Variants in TP63 observed in about 807,000 individuals in gnomAD.
The protein encoded by TP63 is tumor protein 63.
TP63 carries 17 observed loss-of-function variants against 82.8 expected under a neutral mutation model. The ratio of observed to expected loss-of-function variants is 0.21; its 90% CI spans 0.14 to 0.31. The LOEUF is 0.31. Ranked by LOEUF, TP63 falls within the 10% of genes least tolerant of loss-of-function variation. The probability of loss-of-function intolerance (pLI) is 1.00; values close to 1 mark genes in which losing one functional copy is unlikely to be tolerated. For missense variants in TP63, 648 were observed against 895.3 expected (o/e 0.72, Z 3.52); for synonymous variants, 330 against 321.7 (o/e 1.03, Z -0.28).
At chr3:189,840,735 G>A (rs1038005329) in intron 4 of TP63, among the ~76,000 whole-genome samples, 1 of 151,652 alleles carries the variant, frequency 6.6e-6, no homozygotes, top group African/African-American at 2.4e-5. Context: ...GCAGGCACCT[G>A]TAATCCCAGC....
At chr3:189,661,776 A>G (rs570741715) in intron 1 of TP63, among the ~76,000 whole-genome samples, 12 of 151,864 alleles carry the variant, frequency 7.9e-5, no homozygotes, top group Non-Finnish European at 1.6e-4. Flanking sequence ...CAGAGTTTCA[A>G]TTTCTTCCTG....
chr3:189,647,865 T>G (rs1183563130), intron 1 of TP63, among the ~76,000 whole-genome samples: 1 of 147,334 alleles, frequency 6.8e-6, no homozygotes, highest in Non-Finnish European at 1.5e-5. Context: ...GCGTACATTT[T>G]AAAGATAATG....
intron 3 of TP63, among the ~76,000 whole-genome samples, chr3:189,774,550 C>T (rs185311308): frequency 7.4e-4 from 113 of 152,216 alleles, no homozygotes; most frequent in African/African-American, 2.6e-3. Context: ...ATATATGCAT[C>T]GCTGTTTTGG....
chr3:189,638,926 A>G (rs1272771939), intron 1 of TP63, among the ~76,000 whole-genome samples: 2 of 152,296 alleles, frequency 1.3e-5, no homozygotes, highest in East Asian at 3.9e-4. Context: ...CAATGCCCCA[A>G]TACATGCTCA....
At chr3:189,848,282 T>G (rs1715182730) in intron 4 of TP63, among the ~76,000 whole-genome samples, 1 of 150,620 alleles carries the variant, frequency 6.6e-6, no homozygotes, top group Admixed American at 6.6e-5. Flanking sequence ...TTGCCTAGGC[T>G]GGAGTGCACT....
At chr3:189,728,463 G>C (rs1317260074) in intron 1 of TP63, among the ~76,000 whole-genome samples, 1 of 152,198 alleles carries the variant, frequency 6.6e-6, no homozygotes, top group Non-Finnish European at 1.5e-5. Flanking sequence ...CTTTCTAGGT[G>C]AGCTCAGTGT....
At chr3:189,683,207 T>A (rs1413868383) in intron 1 of TP63, among the ~76,000 whole-genome samples, 1 of 152,208 alleles carries the variant, frequency 6.6e-6, no homozygotes, top group Non-Finnish European at 1.5e-5. Context: ...GAATATTAGA[T>A]AACTATGTGC....
At chr3:189,893,608 C>T (rs980592496) in intron 13 of TP63, among the ~76,000 whole-genome samples, 1 of 152,140 alleles carries the variant, frequency 6.6e-6, no homozygotes, top group Non-Finnish European at 1.5e-5. Flanking sequence ...ATAAAAGTGC[C>T]GTTTCAGGTT....
chr3:189,843,897 C>T (rs1714499170), intron 4 of TP63, among the ~76,000 whole-genome samples: 1 of 152,180 alleles, frequency 6.6e-6, no homozygotes, highest in South Asian at 2.1e-4. Context: ...CCCCATTATA[C>T]ACATGTAGTT....
At chr3:189,840,306 G>A (rs1253727819) in intron 4 of TP63, among the ~76,000 whole-genome samples, 1 of 135,358 alleles carries the variant, frequency 7.4e-6, no homozygotes, top group Non-Finnish European at 1.6e-5. Context: ...ATTGGAGGAT[G>A]TACAGTTGTT....
intron 4 of TP63, among the ~76,000 whole-genome samples, chr3:189,863,098 C>A (rs905069216): frequency 2.6e-5 from 4 of 152,170 alleles, no homozygotes; most frequent in African/African-American, 9.7e-5. Context: ...AGTAACGAAT[C>A]CGATTGCCAC....
At chr3:189,693,473 A>C (rs976238690) in intron 1 of TP63, among the ~76,000 whole-genome samples, 25 of 152,196 alleles carry the variant, frequency 1.6e-4, no homozygotes, top group African/African-American at 5.5e-4. Context: ...TGAACCATGA[A>C]TCTTTATTTG....
intron 4 of TP63, among the ~76,000 whole-genome samples, chr3:189,860,554 C>A (rs939751216): frequency 1.3e-5 from 2 of 152,152 alleles, no homozygotes; most frequent in Non-Finnish European, 2.9e-5. Flanking sequence ...GAAAAAAAAG[C>A]GATTGTGCCA....
chr3:189,792,735 G>T (rs924961272), intron 3 of TP63, among the ~76,000 whole-genome samples: 1 of 151,990 alleles, frequency 6.6e-6, no homozygotes, highest in Admixed American at 6.6e-5. Flanking sequence ...AAGGAGAGAT[G>T]GGATGATTCA....
chr3:189,707,588 GCT>G (rs1482950604), intron 1 of TP63, among the ~76,000 whole-genome samples: 1 of 152,004 alleles, frequency 6.6e-6, no homozygotes, highest in African/African-American at 2.4e-5. Flanking sequence ...TCAAATTTTT[GCT>G]CTTTTACATA....
chr3:189,679,860 T>C (rs1023584658), intron 1 of TP63, among the ~76,000 whole-genome samples: 8 of 152,180 alleles, frequency 5.3e-5, no homozygotes, highest in Non-Finnish European at 1.0e-4. Flanking sequence ...TTTCAACATT[T>C]ATTGAAGAAG....
intron 1 of TP63, among the ~76,000 whole-genome samples, chr3:189,701,542 T>TAC (rs1213134451): frequency 2.7e-5 from 4 of 147,078 alleles, no homozygotes; most frequent in African/African-American, 1.0e-4. Flanking sequence ...TATATATATA[T>TAC]ATATGTAATT....
chr3:189,837,901 A>T (rs1274005423), intron 4 of TP63, among the ~76,000 whole-genome samples: 1 of 152,130 alleles, frequency 6.6e-6, no homozygotes, highest in Non-Finnish European at 1.5e-5. Context: ...CTGGGACTAC[A>T]TGCATGAGCC....
intron 3 of TP63, among the ~76,000 whole-genome samples, chr3:189,760,107 A>C (rs1265239277): frequency 6.6e-6 from 1 of 152,206 alleles, no homozygotes; most frequent in Non-Finnish European, 1.5e-5. Context: ...TATGGGAGCT[A>C]CAAAATGAGA....
Sources: allele counts gnomAD v4.1 joint callset (sites outside exome capture counted in the v4.1 genomes callset), GRCh38; gene constraint gnomAD v4.1.1; transcripts MANE v1.5; gene names NCBI Gene and HGNC (gene_info 2026-07-23, HGNC 2026-07-21).